Variants in TMEM35A observed in about 807,000 individuals in gnomAD.
TMEM35A encodes transmembrane protein 35A.
For missense variants in TMEM35A, 83 were observed against 132.7 expected (o/e 0.63, Z 1.84); for synonymous variants, 50 against 54.7 (o/e 0.91, Z 0.38).
In TMEM35A at chrX:101,078,915, C is replaced by A. The variant is rs1159347811; in HGVS notation, c.-88C>A. On this transcript the variant is annotated 5_prime_UTR_variant, in exon 1 of 2. Transcript: ENST00000372930. The stretch of plus-strand genomic sequence containing the variant: ...TGCCTGCTGCCTCCGCAGCGTCCCC[C>A]CAGCTCTCCCTGTGCTAACTGCCTG... The A allele has an allele frequency of 9.6e-6, 11 of 1,143,376 alleles. No homozygotes were observed. The African/African-American group carries it at 1.8e-4, about 19-fold the overall frequency. 94.2% of individuals were successfully genotyped at this position (1,143,376 alleles called of 1,213,427 possible).
At chrX:101,091,338 T>G (rs2089323749) in intron 1 of TMEM35A, among the ~76,000 whole-genome samples, 1 of 106,059 alleles carries the variant, frequency 9.4e-6, no homozygotes, top group Non-Finnish European at 1.9e-5. Flanking sequence ...GGTCTTGGTC[T>G]GCCTCCCAGG....
At chrX:101,083,158 T>C (rs1002160295) in intron 1 of TMEM35A, among the ~76,000 whole-genome samples, 6 of 111,788 alleles carry the variant, frequency 5.4e-5, no homozygotes, top group Non-Finnish European at 1.1e-4. Context: ...TATAGAGTAC[T>C]CTAAATCCCA....
At chrX:101,085,789 T>C (rs2089305629) in intron 1 of TMEM35A, among the ~76,000 whole-genome samples, 1 of 106,269 alleles carries the variant, frequency 9.4e-6, no homozygotes, top group South Asian at 4.3e-4. Flanking sequence ...ACAAAAAAAT[T>C]AGCTGGGCAT....
Position 101,095,212 on chromosome X carries a change from G to T in TMEM35A, c.*256G>T. 1 of 337,825 alleles carries T rather than the reference G, an allele frequency of 3.0e-6. No homozygotes were observed. Among genetic ancestry groups the T allele is most frequent in the Non-Finnish European group, 5.1e-6 (1 of 196,543 alleles). 27.8% of individuals were successfully genotyped at this position (337,825 alleles called of 1,213,427 possible). A position where few individuals can be genotyped will look rare whatever the true frequency, so the allele number is the denominator to read the frequency against. On this transcript the variant is annotated 3_prime_UTR_variant, in exon 2 of 2. Transcript: ENST00000372930. ...CATGTACATGTATACGGCTACTATT[G>T]AAGTGTAATTGTGAGATGGACTCCA...
At chrX:101,091,763 C>T (rs1475374732) in intron 1 of TMEM35A, among the ~76,000 whole-genome samples, 1 of 112,127 alleles carries the variant, frequency 8.9e-6, no homozygotes, top group African/African-American at 3.2e-5. Context: ...CTATGCTGAA[C>T]TGAAGTGGTA....
At chrX:101,089,803 C>T (rs779691174) in intron 1 of TMEM35A, among the ~76,000 whole-genome samples, 13 of 108,817 alleles carry the variant, frequency 1.2e-4, no homozygotes, top group Admixed American at 8.9e-4. Flanking sequence ...TGGGATTTGA[C>T]GCTAAGTCTG....
chrX:101,083,169 C>T (rs1308867572), intron 1 of TMEM35A, among the ~76,000 whole-genome samples: 1 of 111,737 alleles, frequency 8.9e-6, no homozygotes, highest in East Asian at 2.8e-4. Flanking sequence ...CTAAATCCCA[C>T]GTGAATTCAA....
At chrX:101,079,495 G>C (rs1407600919) in intron 1 of TMEM35A, among the ~76,000 whole-genome samples, 1 of 111,623 alleles carries the variant, frequency 9.0e-6, no homozygotes, top group Non-Finnish European at 1.9e-5. Context: ...TGTGAGCTAA[G>C]AGTTTAGCAA....
intron 1 of TMEM35A, among the ~76,000 whole-genome samples, chrX:101,082,437 C>T (rs769900077): frequency 1.7e-5 from 1 of 59,352 alleles, no homozygotes. Flanking sequence ...ATCCTAAGGG[C>T]GGGGGGTGGG....
Position 101,095,912 on chromosome X carries a change from G to A in TMEM35A, c.*956G>A, listed in dbSNP as rs1466385826. The A allele has an allele frequency of 1.8e-5, 2 of 112,088 alleles. No individual in the cohort carries two copies. Among genetic ancestry groups the A allele is most frequent in the Non-Finnish European group, 3.8e-5 (2 of 53,272 alleles). The allele number at this position is 112,088 out of a possible 1,213,427, so 9.2% of individuals were successfully genotyped here. On this transcript the variant is annotated 3_prime_UTR_variant, in exon 2 of 2. Coordinates refer to ENST00000372930, the MANE Select transcript of TMEM35A (RefSeq NM_021637.3). ...GGGATCAGTCCTGTTAGAAGTCTGT[G>A]AGCCTCAAACTCTACCTGTTCTCTG...
At position 101,080,039 on chromosome X, in the gene TMEM35A, C is replaced by T. The variant is rs746282947; in HGVS notation, c.120+917C>T. ...TGGCAGGGAATGTTTCCAGCACTTT[C>T]GGGTCTGTCCCTTCTTCCCCTGTCA... On this transcript the variant is annotated intron_variant, in intron 1 of 1. Transcript: ENST00000372930. Among the ~76,000 whole-genome samples, 13 of 111,851 alleles carry T rather than the reference C, an allele frequency of 1.2e-4. No homozygotes were observed. The South Asian group carries it at 2.3e-3, about 19-fold the overall frequency.
At chrX:101,092,129 A>T (rs5967242) in intron 1 of TMEM35A, among the ~76,000 whole-genome samples, 16,682 of 110,728 alleles carry the variant, frequency 0.15, 3,200 homozygotes, top group African/African-American at 0.52. Context: ...GAGTATCCAG[A>T]ACAGTGCCTA....
Position 101,096,314 on chromosome X carries a change from C to T in TMEM35A, c.*1358C>T, listed in dbSNP as rs1380134386. 1 of 111,350 alleles carries T rather than the reference C, an allele frequency of 9.0e-6. No individual in the cohort carries two copies. The highest frequency in any genetic ancestry group is 2.8e-4 in the East Asian group (1 of 3,543). 9.2% of individuals were successfully genotyped at this position (111,350 alleles called of 1,213,427 possible). A position where few individuals can be genotyped will look rare whatever the true frequency, so the allele number is the denominator to read the frequency against. On this transcript the variant is annotated 3_prime_UTR_variant, in exon 2 of 2. Transcript: ENST00000372930. The stretch of plus-strand genomic sequence containing the variant: ...ATTGTTCTTGGTAATTGATACCTCT[C>T]TGTTTTATTTCTCTCATTCTTTCAA...
chrX:101,085,648 G>T (rs1330830352), intron 1 of TMEM35A, among the ~76,000 whole-genome samples: 1 of 110,195 alleles, frequency 9.1e-6, no homozygotes, highest in Non-Finnish European at 1.9e-5. Context: ...GGCTCCATAG[G>T]CCAGGCGCAT....
chrX:101,092,944 A>G (rs1355939536), intron 1 of TMEM35A, among the ~76,000 whole-genome samples: 1 of 112,217 alleles, frequency 8.9e-6, no homozygotes, highest in Non-Finnish European at 1.9e-5. Context: ...AGGTTTGGGG[A>G]TTTATCTCAA....
At chrX:101,092,599 C>T (rs1364472499) in intron 1 of TMEM35A, among the ~76,000 whole-genome samples, 1 of 110,917 alleles carries the variant, frequency 9.0e-6, no homozygotes, top group Non-Finnish European at 1.9e-5. Context: ...ATGGCTCACA[C>T]CTGTAATTCC....
intron 1 of TMEM35A, among the ~76,000 whole-genome samples, chrX:101,083,013 C>A (rs868480205): frequency 5.4e-5 from 6 of 111,606 alleles, no homozygotes; most frequent in South Asian, 7.6e-4. Context: ...TTTATGCAAT[C>A]AATTAATATT....
chrX:101,086,529 A>C (rs761394765), intron 1 of TMEM35A, among the ~76,000 whole-genome samples: 1 of 112,343 alleles, frequency 8.9e-6, no homozygotes, highest in Admixed American at 9.5e-5. Context: ...GATTTATTGA[A>C]TCTGAGGGGA....
At chrX:101,089,578 TAAA>T (rs761258471) in intron 1 of TMEM35A, among the ~76,000 whole-genome samples, 10 of 83,512 alleles carry the variant, frequency 1.2e-4, no homozygotes, top group Admixed American at 1.4e-4. Flanking sequence ...GGGCTGTCTC[TAAA>T]AAAAAAAAAA....
Sources: allele counts gnomAD v4.1 joint callset (sites outside exome capture counted in the v4.1 genomes callset), GRCh38; gene constraint gnomAD v4.1.1; transcripts MANE v1.5; gene names NCBI Gene and HGNC (gene_info 2026-07-23, HGNC 2026-07-21).